The following EEIG2 variants were observed in gnomAD, a reference collection of about 807,000 sequenced individuals.
The protein encoded by EEIG2 is EEIG family member 2.
chr1:108,605,268 T>C, the EEIG2 span, among the ~76,000 whole-genome samples: 6 of 152,114 alleles, frequency 3.9e-5, no homozygotes, highest in Admixed American at 3.9e-4. Flanking sequence ...TTAAGGAATA[T>C]AACAGTGACC....
the EEIG2 span, among the ~76,000 whole-genome samples, chr1:108,615,228 A>T: frequency 1.3e-5 from 2 of 152,150 alleles, no homozygotes; most frequent in African/African-American, 2.4e-5. Context: ...AATATCACTT[A>T]ATCTCCCTGA....
At chr1:108,624,746 C>T in the EEIG2 span, 4 of 1,612,636 alleles carry the variant, frequency 2.5e-6, no homozygotes, top group Non-Finnish European at 3.4e-6. Flanking sequence ...CTTGGAATAG[C>T]AGGTATGGAT....
the EEIG2 span, among the ~76,000 whole-genome samples, chr1:108,585,338 G>A: frequency 2.6e-5 from 4 of 152,076 alleles, no homozygotes; most frequent in African/African-American, 7.2e-5. Flanking sequence ...ACATCAGTCC[G>A]GCATTCAAAA....
the EEIG2 span, among the ~76,000 whole-genome samples, chr1:108,575,464 G>A: frequency 1.6e-3 from 243 of 152,230 alleles, 1 homozygote; most frequent in Middle Eastern, 3.4e-3. Context: ...ATGAAATTCT[G>A]TATTCAAGAG....
the EEIG2 span, among the ~76,000 whole-genome samples, chr1:108,632,967 T>G: frequency 6.7e-6 from 1 of 148,840 alleles, no homozygotes; most frequent in Admixed American, 6.7e-5. Context: ...TTTTTTTTTA[T>G]AGAGACAGAG....
chr1:108,592,404 CA>C, the EEIG2 span, among the ~76,000 whole-genome samples: 1 of 152,222 alleles, frequency 6.6e-6, no homozygotes, highest in Non-Finnish European at 1.5e-5. Context: ...TTTGTTTGCA[CA>C]TCATGAGGTA....
chr1:108,604,543 C>T, the EEIG2 span, among the ~76,000 whole-genome samples: 1 of 152,028 alleles, frequency 6.6e-6, no homozygotes, highest in Non-Finnish European at 1.5e-5. Context: ...ATCCAGCAAA[C>T]GAGAGTGAGG....
At chr1:108,627,966 G>A in the EEIG2 span, 3 of 531,030 alleles carry the variant, frequency 5.6e-6, no homozygotes, top group Middle Eastern at 5.0e-4. Context: ...TAATTCTTCA[G>A]CGAACTAAGG....
the EEIG2 span, among the ~76,000 whole-genome samples, chr1:108,574,990 T>C: frequency 3.3e-5 from 5 of 152,252 alleles, no homozygotes; most frequent in African/African-American, 9.6e-5. Flanking sequence ...GCAATCATTC[T>C]ATCAACTAAT....
chr1:108,597,336 G>A, the EEIG2 span, among the ~76,000 whole-genome samples: 1 of 152,186 alleles, frequency 6.6e-6, no homozygotes, highest in Non-Finnish European at 1.5e-5. Context: ...AAGAAGGTTG[G>A]AAGTCTCAGC....
At chr1:108,622,083 G>A in the EEIG2 span, among the ~76,000 whole-genome samples, 496 of 152,302 alleles carry the variant, frequency 3.3e-3, 2 homozygotes, top group Admixed American at 0.018. Context: ...CTTGAACCCG[G>A]GAGGCGGAGG....
chr1:108,622,225 T>A, the EEIG2 span, among the ~76,000 whole-genome samples: 1 of 152,210 alleles, frequency 6.6e-6, no homozygotes, highest in African/African-American at 2.4e-5. Context: ...TAGGCCAGAC[T>A]GCAAGTTCTG....
chr1:108,628,180 G>A, the EEIG2 span: 2 of 1,614,074 alleles, frequency 1.2e-6, no homozygotes, highest in Non-Finnish European at 1.7e-6. Context: ...TTTCAGCAAA[G>A]AGTGCCTCTG....
the EEIG2 span, among the ~76,000 whole-genome samples, chr1:108,612,660 C>A: frequency 6.6e-6 from 1 of 152,180 alleles, no homozygotes; most frequent in Admixed American, 6.5e-5. Context: ...ACATAGAAGC[C>A]ACTGTGTTCT....
the EEIG2 span, chr1:108,628,449 G>A: frequency 6.2e-7 from 1 of 1,614,082 alleles, no homozygotes; most frequent in South Asian, 1.1e-5. Context: ...TGCCACAGGA[G>A]AAATACCTCA....
At chr1:108,632,946 A>AC in the EEIG2 span, among the ~76,000 whole-genome samples, 2 of 132,212 alleles carry the variant, frequency 1.5e-5, no homozygotes, top group Non-Finnish European at 3.1e-5. Context: ...CATGCCCAGC[A>AC]TTTTTTTTTT....
chr1:108,560,494 C>G, the EEIG2 span: 1 of 1,613,488 alleles, frequency 6.2e-7, no homozygotes, highest in East Asian at 2.2e-5. Flanking sequence ...CCTCAGTGCC[C>G]TTCGTCAATG....
chr1:108,605,334 A>T, the EEIG2 span, among the ~76,000 whole-genome samples: 13 of 152,308 alleles, frequency 8.5e-5, no homozygotes, highest in South Asian at 8.3e-4. Context: ...GCCACACCTG[A>T]AATCACTGAA....
At chr1:108,634,967 C>A in the EEIG2 span, 1 of 695,626 alleles carries the variant, frequency 1.4e-6, no homozygotes, top group Non-Finnish European at 2.5e-6. Flanking sequence ...TAGTTTCTAT[C>A]CGTGATGCCT....
Sources: allele counts gnomAD v4.1 joint callset (sites outside exome capture counted in the v4.1 genomes callset), GRCh38; gene constraint gnomAD v4.1.1; transcripts MANE v1.5; gene names NCBI Gene and HGNC (gene_info 2026-07-23, HGNC 2026-07-21).